The following CAV1 variants were observed in gnomAD, a reference collection of about 807,000 sequenced individuals.
CAV1 encodes caveolin 1.
CAV1 carries 10 observed loss-of-function variants against 16.5 expected under a neutral mutation model. The ratio of observed to expected loss-of-function variants is 0.61; its 90% CI spans 0.37 to 1.03. CAV1 has a LOEUF of 1.03. CAV1 is among the 50% of genes least tolerant of loss of function. CAV1 has a pLI of 0.01. For synonymous variants in CAV1, 76 were observed against 85.1 expected, an observed-to-expected ratio of 0.89 and a Z score of 0.59; for missense variants, 212 against 232.8, an observed-to-expected ratio of 0.91 and a Z score of 0.58.
chr7:116,525,449 G>C (rs1019171784), intron 1 of CAV1: 5 of 1,384,364 alleles, frequency 3.6e-6, no homozygotes, highest in Non-Finnish European at 4.7e-6. Context: ...CCTGCTGGGG[G>C]TTCGAAGAGG....
At chr7:116,541,086 A>T (rs1315804399) in intron 2 of CAV1, among the ~76,000 whole-genome samples, 3 of 152,234 alleles carry the variant, frequency 2.0e-5, no homozygotes, top group Non-Finnish European at 2.9e-5. Flanking sequence ...ATGATAATTT[A>T]AAAGAAGCAC....
At chr7:116,534,395 A>ATATATATATATATATTT (rs1442237865) in intron 2 of CAV1, among the ~76,000 whole-genome samples, 1 of 7,838 alleles carries the variant, frequency 1.3e-4, no homozygotes, top group African/African-American at 3.3e-4. Flanking sequence ...ATATATATAT[A>ATATATATATATATATTT]TTTTTTTTTT....
At chr7:116,540,000 G>T (rs962738011) in intron 2 of CAV1, among the ~76,000 whole-genome samples, 2 of 152,128 alleles carry the variant, frequency 1.3e-5, no homozygotes, top group Non-Finnish European at 2.9e-5. Flanking sequence ...TCAGGGAATG[G>T]CCCGAAAGAA....
chr7:116,526,012 C>A (rs1793550058), intron 1 of CAV1: 4 of 231,678 alleles, frequency 1.7e-5, no homozygotes, highest in African/African-American at 4.7e-5. Context: ...ACGGGTCGGG[C>A]GGCTGCTGTT....
intron 2 of CAV1, among the ~76,000 whole-genome samples, chr7:116,537,475 T>C (rs1374106420): frequency 6.6e-6 from 1 of 152,188 alleles, no homozygotes; most frequent in Non-Finnish European, 1.5e-5. Flanking sequence ...ATCACCATCA[T>C]ATTCCTTTTG....
Position 116,559,249 on chromosome 7 carries a change from T to G in CAV1, c.499T>G (p.Phe167Val). 3.1e-6 allele frequency: 5 copies of G among 1,613,842 alleles called. No homozygotes were observed. The highest frequency in any genetic ancestry group is 4.2e-6 in the Non-Finnish European group (5 of 1,179,760). Residue 167 changes from phenylalanine (F) to valine (V), a missense_variant, in exon 3 of 3, where the codon TTC (phenylalanine) becomes GTC (valine). Coordinates refer to ENST00000341049, the MANE Select transcript of CAV1 (RefSeq NM_001753.5). ...ACTCTTTGAAGCTGTTGGGAAAATA[T>G]TCAGCAATGTCCGCATCAACTTGCA... ...DPLFEAVGKI[F>V]SNVRINLQKE...
At chr7:116,555,568 G>GAAAGAA (rs1794268847) in intron 2 of CAV1, among the ~76,000 whole-genome samples, 1 of 55,562 alleles carries the variant, frequency 1.8e-5, no homozygotes, top group Non-Finnish European at 3.3e-5. Context: ...AAGAAAGAAA[G>GAAAGAA]AAAGAAAGAA....
At chr7:116,534,382 TA>T (rs1562829950) in intron 2 of CAV1, among the ~76,000 whole-genome samples, 23 of 12,228 alleles carry the variant, frequency 1.9e-3, no homozygotes, top group African/African-American at 4.5e-3. Context: ...TATATATATA[TA>T]TATATATATA....
intron 2 of CAV1, among the ~76,000 whole-genome samples, chr7:116,531,014 C>T (rs1584769457): frequency 6.6e-6 from 1 of 152,102 alleles, no homozygotes; most frequent in Non-Finnish European, 1.5e-5. Context: ...CATTGTGGAT[C>T]GAAACATACA....
chr7:116,558,882 A>G lies in CAV1; in HGVS notation c.196-64A>G. 4 of 1,246,864 alleles carry G rather than the reference A, an allele frequency of 3.2e-6. No homozygotes were observed. In the South Asian group the frequency reaches 5.1e-5, roughly 16 times the overall value. 77.2% of individuals were successfully genotyped at this position (1,246,864 alleles called of 1,614,324 possible). ...TACAGTATATGTCTATGGATACTGAATAGTGGGTTTTTTTTCTCTTTTCTT... is the reference window on the plus strand; with the variant it reads ...TACAGTATATGTCTATGGATACTGAGTAGTGGGTTTTTTTTCTCTTTTCTT... On this transcript the variant is annotated intron_variant, in intron 2 of 2. Transcript: ENST00000341049.
In CAV1 at chr7:116,525,886, A is replaced by G. The variant is rs1052956143; in HGVS notation, c.31-639A>G. On this transcript the variant is annotated intron_variant, in intron 1 of 2. Transcript: ENST00000341049. Reference sequence around the variant, plus strand: ...GGGGACTTTCGGGATTGTGATCATCACGGCGGATTGAGCAGGGAGAGCCGT... The same window carrying G: ...GGGGACTTTCGGGATTGTGATCATCGCGGCGGATTGAGCAGGGAGAGCCGT... 3.6e-5 allele frequency: 35 copies of G among 967,158 alleles called. No individual in the cohort carries two copies. In the African/African-American group the frequency reaches 6.0e-4, roughly 17 times the overall value. 59.9% of individuals were successfully genotyped at this position (967,158 alleles called of 1,614,324 possible).
intron 2 of CAV1, among the ~76,000 whole-genome samples, chr7:116,527,386 C>A (rs916382811): frequency 6.6e-6 from 1 of 152,212 alleles, no homozygotes; most frequent in Admixed American, 6.5e-5. Flanking sequence ...AAAGCTGCTT[C>A]TTTAGTAGCT....
At chr7:116,538,195 G>C (rs1793864795) in intron 2 of CAV1, among the ~76,000 whole-genome samples, 1 of 152,226 alleles carries the variant, frequency 6.6e-6, no homozygotes, top group Non-Finnish European at 1.5e-5. Context: ...AAACAATTGA[G>C]AAAAACCTGA....
Position 116,559,230 on chromosome 7 carries a change from T to G in CAV1, c.480T>G (p.Phe160Leu). 1 of 1,613,986 alleles carries G rather than the reference T, an allele frequency of 6.2e-7. No homozygotes were observed. The highest frequency in any genetic ancestry group is 8.5e-7 in the Non-Finnish European group (1 of 1,179,902). The change falls in exon 3 of 3, where the codon TTT (phenylalanine) becomes TTG (leucine). Residue 160 changes from phenylalanine (F) to leucine (L), a missense_variant. Coordinates refer to ENST00000341049, the MANE Select transcript of CAV1 (RefSeq NM_001753.5). ...IYVHTVCDPL[F>L]EAVGKIFSNV... ...TCCACACCGTCTGTGACCCACTCTT[T>G]GAAGCTGTTGGGAAAATATTCAGCA...
At chr7:116,554,323 G>A (rs1219958620) in intron 2 of CAV1, among the ~76,000 whole-genome samples, 3 of 152,068 alleles carry the variant, frequency 2.0e-5, no homozygotes, top group Non-Finnish European at 2.9e-5. Context: ...AAAAATGTCC[G>A]TGTTCACACC....
At position 116,559,833 on chromosome 7, in the gene CAV1, CAT is replaced by C. The variant is rs1794371421; in HGVS notation, c.*548_*549del. 1 of 401,898 alleles carries C rather than the reference CAT, an allele frequency of 2.5e-6. No homozygotes were observed. The highest frequency in any genetic ancestry group is 2.1e-5 in the African/African-American group (1 of 48,740). The allele number at this position is 401,898 out of a possible 1,614,324, so 24.9% of individuals were successfully genotyped here. ...CCAGTGATCCTTACAAGTTAGAAAA[CAT>C]AATCTTCTGCCTTCTCATGATCCAA... On this transcript the variant is annotated 3_prime_UTR_variant, in exon 3 of 3. Coordinates refer to ENST00000341049, the MANE Select transcript of CAV1 (RefSeq NM_001753.5).
rs568633424 is a variant in CAV1 at position 116,525,512 on chromosome 7, G to T, written c.30+420G>T. 4 of 1,246,386 alleles carry T rather than the reference G, an allele frequency of 3.2e-6. No individual in the cohort carries two copies. The African/African-American group carries it at 6.2e-5, about 19-fold the overall frequency. 77.2% of individuals were successfully genotyped at this position (1,246,386 alleles called of 1,614,324 possible). On this transcript the variant is annotated intron_variant, in intron 1 of 2. Transcript: ENST00000341049. ...CCCGAGTCCTGGGGACAGTCCCCGG[G>T]ACTCTCCGCCAGGCGCCCAGACCGG... is the stretch of plus-strand genomic sequence containing the variant.
Position 116,560,235 on chromosome 7 carries a change from C to T in CAV1, c.*948C>T, listed in dbSNP as rs1794380701. 5.7e-6 allele frequency: 1 copy of T among 176,940 alleles called. No individual in the cohort carries two copies. Among genetic ancestry groups the T allele is most frequent in the South Asian group, 2.0e-4 (1 of 5,064 alleles). 11.0% of individuals were successfully genotyped at this position (176,940 alleles called of 1,614,324 possible). A position where few individuals can be genotyped will look rare whatever the true frequency, so the allele number is the denominator to read the frequency against. On this transcript the variant is annotated 3_prime_UTR_variant, in exon 3 of 3. Transcript: ENST00000341049. Reference sequence around the variant, plus strand: ...TCCTGGAAGCCAGCTTTCCCTGCCTCTCATCAACTGAATGAGGTCAGCATG... The same window carrying T: ...TCCTGGAAGCCAGCTTTCCCTGCCTTTCATCAACTGAATGAGGTCAGCATG...
At chr7:116,525,527 G>T (rs1482914922) in intron 1 of CAV1, 4 of 1,230,568 alleles carry the variant, frequency 3.3e-6, no homozygotes, top group South Asian at 1.6e-5. Context: ...TCCGCCAGGC[G>T]CCCAGACCGG....
Sources: gnomAD v4.1 joint callset for allele counts (sites outside exome capture counted in the v4.1 genomes callset) on GRCh38, gnomAD v4.1.1 for gene constraint, MANE v1.5 for transcripts, NCBI Gene and HGNC (gene_info 2026-07-23, HGNC 2026-07-21) for gene names.